The following ZNF777 variants were observed in gnomAD, a reference collection of about 807,000 sequenced individuals.
The protein encoded by ZNF777 is zinc finger protein 777.
A neutral mutation model predicts 72.1 loss-of-function variants in ZNF777; 7 were observed. The ratio of observed to expected loss-of-function variants is 0.10; its 90% CI spans 0.06 to 0.18. The LOEUF (loss-of-function observed/expected upper bound fraction) is 0.18. Among genes scored for constraint, ZNF777 ranks in the 10% least tolerant of loss-of-function variants. The pLI is 1.00. For missense variants in ZNF777, 828 were observed against 1,128.6 expected, an observed-to-expected ratio of 0.73 and a Z score of 3.82; for synonymous variants, 545 against 483.5, an observed-to-expected ratio of 1.13 and a Z score of -1.67.
At chr7:149,438,159 G>C (rs143299149) in intron 4 of ZNF777, among the ~76,000 whole-genome samples, 1 of 151,860 alleles carries the variant, frequency 6.6e-6, no homozygotes, top group South Asian at 2.1e-4. Context: ...GATTACAGGC[G>C]TGAATTTTTT....
In ZNF777 at chr7:149,439,579, A is replaced by G. The variant is rs576476128; in HGVS notation, c.1088-2753T>C. On this transcript the variant is annotated intron_variant, in intron 4 of 5. Transcript: ENST00000247930. Reference sequence around the variant, plus strand: ...TTCTTCTTTGATAGCTGGAATTTTTATATCATTCCTTTTCACCTTGAACTT... The same window carrying G: ...TTCTTCTTTGATAGCTGGAATTTTTGTATCATTCCTTTTCACCTTGAACTT... 2.3e-4 allele frequency among the ~76,000 whole-genome samples: 35 copies of G among 152,336 alleles called. No individual in the cohort carries two copies. In the South Asian group the frequency reaches 4.8e-3, roughly 21 times the overall value.
chr7:149,435,734 C>T (rs1799398885), intron 5 of ZNF777, among the ~76,000 whole-genome samples: 2 of 152,108 alleles, frequency 1.3e-5, no homozygotes, highest in Non-Finnish European at 2.9e-5. Context: ...ACCAATTTTT[C>T]AAGGAACACA....
chr7:149,436,285 C>T lies in ZNF777; in HGVS notation c.1339+290G>A, dbSNP rs1463767327. Among the ~76,000 whole-genome samples the T allele has an allele frequency of 2.0e-5, 3 of 152,080 alleles. No homozygotes were observed. The highest frequency in any genetic ancestry group is 4.4e-5 in the Non-Finnish European group (3 of 68,010). On this transcript the variant is annotated intron_variant, in intron 5 of 5. Transcript: ENST00000247930. The surrounding 1 kb of genome is among the most constrained non-coding windows in gnomAD (Gnocchi z 5.0). ...CACTCTCTGTGTGGCCTTGCCCCAT[C>T]TATTTAACCTCTGTCTGTAAAATGA...
chr7:149,432,806 G>A lies in ZNF777; in HGVS notation c.1466C>T (p.Thr489Ile), dbSNP rs757747291. ...GGGGGACATCTCCCCGGGCAGCGGG[G>A]TCTGGTACATACTGGCCTCATATCT... ...SGRYEASMYQ[T>I]PLPGEMSPEG... The change falls in exon 6 of 6, where the codon ACC (threonine) becomes ATC (isoleucine). Residue 489 changes from threonine (T) to isoleucine (I), a missense_variant. Physicochemically the swap from Thr to Ile is moderately conservative, Grantham distance 89. Transcript: ENST00000247930. 6.2e-7 allele frequency: 1 copy of A among 1,607,654 alleles called. No individual in the cohort carries two copies. Among genetic ancestry groups the A allele is most frequent in the South Asian group, 1.1e-5 (1 of 90,528 alleles).
chr7:149,432,164 A>G lies in ZNF777; in HGVS notation c.2108T>C (p.Phe703Ser). ...SFICSLCGKS[F>S]SRPSHLLRHQ... ...GCGCAGCAGGTGCGAGGGGCGGCTG[A>G]AGCTCTTGCCGCACAGGCTGCAGAT... is the stretch of plus-strand genomic sequence containing the variant. The change falls in exon 6 of 6, where the codon TTC becomes TCC. Residue 703 changes from phenylalanine to serine, a missense_variant. Transcript: ENST00000247930. The G allele has an allele frequency of 6.2e-7, 1 of 1,604,754 alleles. No individual in the cohort carries two copies. Among genetic ancestry groups the G allele is most frequent in the Non-Finnish European group, 8.5e-7 (1 of 1,179,836 alleles).
intron 4 of ZNF777, among the ~76,000 whole-genome samples, chr7:149,450,092 T>A (rs1217157675): frequency 6.6e-6 from 1 of 152,158 alleles, no homozygotes; most frequent in Non-Finnish European, 1.5e-5. Flanking sequence ...GCAGACATGA[T>A]CGCCAGTAAC....
At chr7:149,448,292 G>A (rs953559343) in intron 4 of ZNF777, among the ~76,000 whole-genome samples, 11 of 151,284 alleles carry the variant, frequency 7.3e-5, no homozygotes, top group Middle Eastern at 3.4e-3. Flanking sequence ...ATGGTGAAAC[G>A]TCATCTCTAC....
In ZNF777 at chr7:149,432,308, T is replaced by C. The variant is rs1370165087; in HGVS notation, c.1964A>G (p.Gln655Arg). 1 of 1,609,740 alleles carries C rather than the reference T, an allele frequency of 6.2e-7. No individual in the cohort carries two copies. The highest frequency in any genetic ancestry group is 2.2e-5 in the East Asian group (1 of 44,828). Residue 655 changes from glutamine to arginine, a missense_variant, in exon 6 of 6, where the codon CAG (glutamine) becomes CGG (arginine). Around this residue, in one of 12 missense-constraint regions of ZNF777, gnomAD observed 26 missense variants for 62.1 expected, o/e 0.42. Coordinates refer to ENST00000247930, the MANE Select transcript of ZNF777 (RefSeq NM_015694.3). ...GGGCCGCTCACCCGTGTGCGTGATCTGGTGTTTGGTCAGGCTGGACTTGTG... is the reference window on the plus strand; with the variant it reads ...GGGCCGCTCACCCGTGTGCGTGATCCGGTGTTTGGTCAGGCTGGACTTGTG... ...FSHKSSLTKH[Q>R]ITHTGERPYT... is the part of the protein sequence containing the mutation.
Position 149,432,897 on chromosome 7 carries a change from C to T in ZNF777, c.1375G>A (p.Glu459Lys). ...IVIKTEEQDEEEEEEEEDELP... is the reference protein window; with the variant it reads ...IVIKTEEQDEKEEEEEEDELP... ...TCATCCTCCTCCTCCTCTTCTTCCTCCTCGTCTTGTTCCTCTGTCTTGATC... is the reference window on the plus strand; with the variant it reads ...TCATCCTCCTCCTCCTCTTCTTCCTTCTCGTCTTGTTCCTCTGTCTTGATC... Residue 459 changes from glutamate to lysine, a missense_variant, in exon 6 of 6, where the codon GAG becomes AAG. Coordinates refer to ENST00000247930, the MANE Select transcript of ZNF777 (RefSeq NM_015694.3). The T allele has an allele frequency of 1.3e-6, 2 of 1,523,094 alleles. No homozygotes were observed. The highest frequency in any genetic ancestry group is 1.8e-6 in the Non-Finnish European group (2 of 1,136,572). 94.3% of individuals were successfully genotyped at this position (1,523,094 alleles called of 1,614,324 possible).
chr7:149,459,352 C>G (rs1799896600), intron 1 of ZNF777, among the ~76,000 whole-genome samples: 1 of 152,200 alleles, frequency 6.6e-6, no homozygotes, highest in Non-Finnish European at 1.5e-5. Context: ...CAGCCCCCAA[C>G]CCCTGAGAAG....
rs1376323477 is a variant in ZNF777, at chr7:149,460,237, C to T, written c.-16+578G>A. The T allele has an allele frequency of 2.5e-5, 8 of 320,854 alleles. No homozygotes were observed. Among genetic ancestry groups the T allele is most frequent in the Non-Finnish European group, 3.5e-5 (8 of 225,886 alleles). 19.9% of individuals were successfully genotyped at this position (320,854 alleles called of 1,614,324 possible). A position where few individuals can be genotyped will look rare whatever the true frequency, so the allele number is the denominator to read the frequency against. ...GCGGCCCCACGCAGGCCCGGCCGCC[C>T]GGCGCTCTCCGCAGGCGGCGCCGGC... On this transcript the variant is annotated intron_variant, in intron 1 of 5. Coordinates refer to ENST00000247930, the MANE Select transcript of ZNF777 (RefSeq NM_015694.3). This position sits in a 1 kb window ranked among gnomAD's most constrained non-coding sequence, Gnocchi z 6.1.
rs373149132 is a variant in ZNF777, at chr7:149,432,825, C to T, written c.1447G>A (p.Glu483Lys). Residue 483 changes from glutamate to lysine, a missense_variant, in exon 6 of 6, where the codon GAG (glutamate) becomes AAG (lysine). Physicochemically the swap from Glu to Lys is moderately conservative, Grantham distance 56. Coordinates refer to ENST00000247930, the MANE Select transcript of ZNF777 (RefSeq NM_015694.3). ...QSLGQLSGRYEASMYQTPLPG... is the reference protein window; with the variant it reads ...QSLGQLSGRYKASMYQTPLPG... ...AGCGGGGTCTGGTACATACTGGCCTCATATCTCCCGGACAGCTGCCCAAGG... is the reference window on the plus strand; with the variant it reads ...AGCGGGGTCTGGTACATACTGGCCTTATATCTCCCGGACAGCTGCCCAAGG... 39 of 1,600,200 alleles carry T rather than the reference C, an allele frequency of 2.4e-5. No individual in the cohort carries two copies. The Admixed American group carries it at 5.3e-4, about 22-fold the overall frequency.
intron 4 of ZNF777, among the ~76,000 whole-genome samples, chr7:149,439,313 T>C (rs191804015): frequency 8.5e-5 from 13 of 152,298 alleles, no homozygotes; most frequent in Admixed American, 6.5e-4. Context: ...CTTCACAAAC[T>C]ACTTAAAATA....
Position 149,436,561 on chromosome 7 carries a change from C to T in ZNF777, c.1339+14G>A, listed in dbSNP as rs762170126. On this transcript the variant is annotated intron_variant, in intron 5 of 5. Transcript: ENST00000247930. The surrounding 1 kb of genome is among the most constrained non-coding windows in gnomAD (Gnocchi z 5.0). ...ATGGCAACCCTTCCCCGGCCGTCCC[C>T]GCCCAGCACTCACCCGTGCAGTTCC... 67 of 1,578,980 alleles carry T rather than the reference C, an allele frequency of 4.2e-5. No individual in the cohort carries two copies. The highest frequency in any genetic ancestry group is 1.7e-4 in the South Asian group (15 of 89,570).
Position 149,460,176 on chromosome 7 carries a change from G to C in ZNF777, c.-16+639C>G. 1.1e-6 allele frequency: 1 copy of C among 889,692 alleles called. No homozygotes were observed. The highest frequency in any genetic ancestry group is 1.3e-6 in the Non-Finnish European group (1 of 745,630). 55.1% of individuals were successfully genotyped at this position (889,692 alleles called of 1,614,324 possible). A position where few individuals can be genotyped will look rare whatever the true frequency, so the allele number is the denominator to read the frequency against. On this transcript the variant is annotated intron_variant, in intron 1 of 5. Coordinates refer to ENST00000247930, the MANE Select transcript of ZNF777 (RefSeq NM_015694.3). This position sits in a 1 kb window ranked among gnomAD's most constrained non-coding sequence, Gnocchi z 6.1. ...CTGCGCTGTCCGGCCCGGGCCCCCG[G>C]AGTCGCCGCCGCTACTGCCGCCGCC... is the stretch of plus-strand genomic sequence containing the variant.
chr7:149,451,352 G>A (rs1799713754), intron 3 of ZNF777, among the ~76,000 whole-genome samples: 1 of 152,028 alleles, frequency 6.6e-6, no homozygotes, highest in Admixed American at 6.6e-5. Context: ...ACCTGCCCAG[G>A]TTTTCATGAT....
At chr7:149,452,266 AAAAC>A (rs925902849) in intron 3 of ZNF777, among the ~76,000 whole-genome samples, 30 of 92,536 alleles carry the variant, frequency 3.2e-4, no homozygotes, top group Middle Eastern at 5.0e-3. Context: ...CTCCGTCTCA[AAAAC>A]AAACAAACAA....
At position 149,455,156 on chromosome 7, in the gene ZNF777, C is replaced by T; in HGVS notation, c.846+21G>A. On this transcript the variant is annotated intron_variant, in intron 2 of 5. Transcript: ENST00000247930. This position sits in a 1 kb window ranked among gnomAD's most constrained non-coding sequence, Gnocchi z 4.2. ...CAATTCAGATCACTTCCTTGGGAAG[C>T]CCCAGTTGGGATGTGCTTACCTTGG... The T allele has an allele frequency of 2.5e-6, 4 of 1,595,636 alleles. No individual in the cohort carries two copies. The highest frequency in any genetic ancestry group is 1.1e-5 in the South Asian group (1 of 88,250).
intron 1 of ZNF777, chr7:149,459,690 C>T: frequency 1.0e-6 from 1 of 985,160 alleles, no homozygotes; most frequent in Non-Finnish European, 1.2e-6. Context: ...GGGCGGGTCG[C>T]CGCCAGGTGT....
Sources: gnomAD v4.1 joint callset for allele counts (sites outside exome capture counted in the v4.1 genomes callset) on GRCh38, gnomAD v4.1.1 for gene constraint, gnomAD v4.1.1 regional missense constraint, Gnocchi (gnomAD v3.1) non-coding constraint, MANE v1.5 for transcripts, NCBI Gene and HGNC (gene_info 2026-07-23, HGNC 2026-07-21) for gene names.